Variants in UBE2E1 observed in about 807,000 individuals in gnomAD.
The protein encoded by UBE2E1 is ubiquitin conjugating enzyme E2 E1, also known as ubiquitin-conjugating enzyme E2 E1.
A neutral mutation model predicts 21.4 loss-of-function variants in UBE2E1; 6 were observed. The observed-to-expected ratio is 0.28, with a 90% CI of 0.15 to 0.55. The LOEUF is 0.55. UBE2E1 is among the 20% of genes least tolerant of loss of function. The probability of loss-of-function intolerance (pLI) is 0.93; values close to 1 mark genes in which losing one functional copy is unlikely to be tolerated. For missense variants in UBE2E1, 142 were observed against 236.5 expected (o/e 0.60, Z 2.62); for synonymous variants, 87 against 82.7 (o/e 1.05, Z -0.28).
intron 3 of UBE2E1, among the ~76,000 whole-genome samples, chr3:23,828,273 A>C (rs1699796564): frequency 6.6e-6 from 1 of 152,258 alleles, no homozygotes; most frequent in Admixed American, 6.5e-5. Context: ...TGTTACCATC[A>C]ATCACAGAAA....
rs1003535183 is a variant in UBE2E1 at position 23,823,740 on chromosome 3, A to C, written c.203+12230A>C. On this transcript the variant is annotated intron_variant, in intron 3 of 5. Coordinates refer to ENST00000306627, the MANE Select transcript of UBE2E1 (RefSeq NM_003341.5). The surrounding 1 kb of genome is among the most constrained non-coding windows in gnomAD (Gnocchi z 4.2). ...GATAACTTTCCTCTAACCTAAGTAA[A>C]TATTTCAGAACCAACGTATGTTAAG... Among the ~76,000 whole-genome samples, 1 of 152,202 alleles carries C rather than the reference A, an allele frequency of 6.6e-6. No individual in the cohort carries two copies. The highest frequency in any genetic ancestry group is 1.5e-5 in the Non-Finnish European group (1 of 68,036).
At chr3:23,856,131 A>G (rs759894080) in intron 3 of UBE2E1, among the ~76,000 whole-genome samples, 5 of 152,090 alleles carry the variant, frequency 3.3e-5, no homozygotes, top group Non-Finnish European at 5.9e-5. Flanking sequence ...GGTTCAAGCA[A>G]TTCTCCTGCC....
chr3:23,867,121 ACTTT>A (rs1415023274), intron 3 of UBE2E1, among the ~76,000 whole-genome samples: 1 of 147,262 alleles, frequency 6.8e-6, no homozygotes, highest in African/African-American at 2.5e-5. Flanking sequence ...ATTTTGTATT[ACTTT>A]CTTCTTGTCT....
chr3:23,829,672 C>T (rs1221218303), intron 3 of UBE2E1, among the ~76,000 whole-genome samples: 2 of 151,830 alleles, frequency 1.3e-5, no homozygotes, highest in East Asian at 1.9e-4. Context: ...AGGTTGAGGT[C>T]GAGCTAATAA....
intron 4 of UBE2E1, among the ~76,000 whole-genome samples, chr3:23,888,820 C>G (rs531813702): frequency 6.6e-6 from 1 of 152,232 alleles, no homozygotes; most frequent in East Asian, 1.9e-4. Context: ...AAGAGGTCAG[C>G]AAACAATTAG....
chr3:23,834,353 T>G (rs375593204), intron 3 of UBE2E1, among the ~76,000 whole-genome samples: 2 of 152,198 alleles, frequency 1.3e-5, no homozygotes, highest in East Asian at 1.9e-4. Context: ...AGAGGACAAA[T>G]GTTTGTCACC....
At chr3:23,873,698 A>G (rs1220939633) in intron 3 of UBE2E1, among the ~76,000 whole-genome samples, 1 of 152,194 alleles carries the variant, frequency 6.6e-6, no homozygotes, top group Non-Finnish European at 1.5e-5. Context: ...GTGAGCCAAG[A>G]TGGCACCACT....
chr3:23,847,488 A>ATTTTTTTT (rs71057627), intron 3 of UBE2E1, among the ~76,000 whole-genome samples: 10 of 96,130 alleles, frequency 1.0e-4, no homozygotes, highest in Admixed American at 2.7e-4. Context: ...TGTACTTTAA[A>ATTTTTTTT]TTTTTTTTTT....
intron 3 of UBE2E1, 44 bp downstream of exon 3, chr3:23,811,554 A>C: frequency 6.3e-7 from 1 of 1,580,338 alleles, no homozygotes; most frequent in South Asian, 1.1e-5. Context: ...AATTCTTCTA[A>C]CCTTTGTCTT....
At chr3:23,813,527 A>ATTATTTAT (rs60343039) in intron 3 of UBE2E1, among the ~76,000 whole-genome samples, 14 of 151,708 alleles carry the variant, frequency 9.2e-5, no homozygotes, top group African/African-American at 2.9e-4. Context: ...ATAAAGATGG[A>ATTATTTAT]TTATTTATTT....
At chr3:23,884,676 G>T (rs1011093793) in intron 3 of UBE2E1, among the ~76,000 whole-genome samples, 1 of 152,006 alleles carries the variant, frequency 6.6e-6, no homozygotes, top group African/African-American at 2.4e-5. Flanking sequence ...CCTCACTTTT[G>T]TTTTTTTCTA....
intron 3 of UBE2E1, among the ~76,000 whole-genome samples, chr3:23,881,948 C>T (rs532898982): frequency 3.0e-4 from 45 of 151,904 alleles, no homozygotes; most frequent in Admixed American, 5.3e-4. Context: ...TCGTTCCTCC[C>T]GTCCGGAGTT....
At chr3:23,874,747 A>C (rs1280908740) in intron 3 of UBE2E1, among the ~76,000 whole-genome samples, 1 of 152,154 alleles carries the variant, frequency 6.6e-6, no homozygotes, top group Non-Finnish European at 1.5e-5. Flanking sequence ...CTTTATCCTG[A>C]CTTACCTACA....
At chr3:23,861,409 C>T (rs865957797) in intron 3 of UBE2E1, among the ~76,000 whole-genome samples, 1 of 152,134 alleles carries the variant, frequency 6.6e-6, no homozygotes, top group South Asian at 2.1e-4. Context: ...ACTCCTGATA[C>T]GGAAGGGAGA....
At chr3:23,827,565 G>A (rs982095694) in intron 3 of UBE2E1, among the ~76,000 whole-genome samples, 6 of 152,172 alleles carry the variant, frequency 3.9e-5, no homozygotes, top group Non-Finnish European at 8.8e-5. Context: ...CTTAAGTGGA[G>A]AAGCTGGTAT....
chr3:23,812,702 C>G (rs530630712), intron 3 of UBE2E1, among the ~76,000 whole-genome samples: 43 of 152,160 alleles, frequency 2.8e-4, no homozygotes, highest in Non-Finnish European at 5.0e-4. Flanking sequence ...CTAATAATCT[C>G]TCAAGATGGT....
At chr3:23,841,664 C>G (rs1455466670) in intron 3 of UBE2E1, among the ~76,000 whole-genome samples, 2 of 152,184 alleles carry the variant, frequency 1.3e-5, no homozygotes, top group Admixed American at 6.5e-5. Flanking sequence ...TCATGCCATT[C>G]ACAGTTCTAG....
intron 3 of UBE2E1, among the ~76,000 whole-genome samples, chr3:23,851,168 G>A (rs1354668923): frequency 6.6e-6 from 1 of 152,134 alleles, no homozygotes; most frequent in East Asian, 1.9e-4. Context: ...CCATTGAGCT[G>A]ATTTGGCACT....
chr3:23,882,700 C>T (rs1701078510), intron 3 of UBE2E1, among the ~76,000 whole-genome samples: 2 of 152,058 alleles, frequency 1.3e-5, no homozygotes, highest in South Asian at 4.2e-4. Context: ...CAGCTGAGGC[C>T]TGGCGAGAAT....
Sources: allele counts gnomAD v4.1 joint callset (sites outside exome capture counted in the v4.1 genomes callset), GRCh38; gene constraint gnomAD v4.1.1; non-coding constraint Gnocchi (gnomAD v3.1); transcripts MANE v1.5; gene names NCBI Gene and HGNC (gene_info 2026-07-23, HGNC 2026-07-21).